The following GPC5 variants were observed in gnomAD, a reference collection of about 807,000 sequenced individuals.
GPC5 encodes glypican-5.
GPC5 carries 47 observed loss-of-function variants against 53.9 expected under a neutral mutation model. That is an observed-to-expected ratio of 0.87 (90% CI 0.69 to 1.11). The LOEUF (loss-of-function observed/expected upper bound fraction) is 1.11, where lower values mean the gene tolerates loss of function less well. GPC5 is among the 50% of genes most tolerant of loss of function. The pLI, the probability that GPC5 is intolerant of heterozygous loss-of-function variation, is 0.00. For missense variants in GPC5, 748 were observed against 713.1 expected, an observed-to-expected ratio of 1.05 and a Z score of -0.56; for synonymous variants, 286 against 263.3, an observed-to-expected ratio of 1.09 and a Z score of -0.84.
At chr13:91,933,277 T>A (rs895687137) in intron 6 of GPC5, among the ~76,000 whole-genome samples, 7 of 152,016 alleles carry the variant, frequency 4.6e-5, no homozygotes, top group African/African-American at 7.2e-5. Context: ...TCCATGTCTT[T>A]ATTCCTACTG....
intron 7 of GPC5, chr13:92,446,735 T>C (rs1877844007): frequency 6.6e-6 from 1 of 152,204 alleles, no homozygotes; most frequent in South Asian, 2.1e-4. Context: ...GGTACTAATA[T>C]ACATTCCCAC....
chr13:92,213,674 T>C (rs577155532), intron 7 of GPC5, among the ~76,000 whole-genome samples: 1 of 152,318 alleles, frequency 6.6e-6, no homozygotes, highest in South Asian at 2.1e-4. Flanking sequence ...AAAAATGTTG[T>C]GTTGGTTCTC....
intron 7 of GPC5, among the ~76,000 whole-genome samples, chr13:92,530,677 A>G (rs1881532099): frequency 6.6e-6 from 1 of 152,054 alleles, no homozygotes; most frequent in Admixed American, 6.6e-5. Flanking sequence ...TTTAAGTAAA[A>G]TATTTGGGTT....
At chr13:92,768,176 A>G (rs1054346182) in intron 7 of GPC5, among the ~76,000 whole-genome samples, 3 of 152,212 alleles carry the variant, frequency 2.0e-5, no homozygotes, top group African/African-American at 7.2e-5. Flanking sequence ...CATACGTAGA[A>G]TTTCAAGAAC....
chr13:91,560,726 C>T (rs554732519), intron 2 of GPC5, among the ~76,000 whole-genome samples: 1 of 151,856 alleles, frequency 6.6e-6, no homozygotes, highest in African/African-American at 2.4e-5. Flanking sequence ...CTCCCAGCAG[C>T]CAACCCTATC....
chr13:91,839,883 G>A (rs1318047200), intron 5 of GPC5, among the ~76,000 whole-genome samples: 1 of 151,898 alleles, frequency 6.6e-6, no homozygotes, highest in Non-Finnish European at 1.5e-5. Context: ...ACAATTCCAT[G>A]GCAATGCTGT....
At chr13:91,438,590 T>G (rs1429938965) in intron 1 of GPC5, among the ~76,000 whole-genome samples, 1 of 152,182 alleles carries the variant, frequency 6.6e-6, no homozygotes, top group Non-Finnish European at 1.5e-5. Flanking sequence ...TGCCTCCCAG[T>G]TAGGCTACTC....
At position 92,862,296 on chromosome 13, in the gene GPC5, A is replaced by G. The variant is rs76418535; in HGVS notation, c.1562-3986A>G. Among the ~76,000 whole-genome samples the G allele has an allele frequency of 1.5e-3, 232 of 152,274 alleles. 5 individuals carry two copies. The East Asian group carries it at 0.043, about 28-fold the overall frequency. On this transcript the variant is annotated intron_variant, in intron 7 of 7. Coordinates refer to ENST00000377067, the MANE Select transcript of GPC5 (RefSeq NM_004466.6). ...TCTTGTGTAAATGAGTCATTATTCA[A>G]TTTATTCATTCAACAATATTAATTA... is the stretch of plus-strand genomic sequence containing the variant.
intron 7 of GPC5, among the ~76,000 whole-genome samples, chr13:92,630,205 G>A (rs991902917): frequency 3.4e-4 from 51 of 152,100 alleles, no homozygotes; most frequent in Non-Finnish European, 2.4e-4. Flanking sequence ...ACTGTTCTAC[G>A]TAATCGTGAA....
Position 91,577,773 on chromosome 13 carries a change from C to T in GPC5, c.326-115414C>T, listed in dbSNP as rs374266831. Among the ~76,000 whole-genome samples, 6 of 152,228 alleles carry T rather than the reference C, an allele frequency of 3.9e-5. No homozygotes were observed. The East Asian group carries it at 9.7e-4, about 24-fold the overall frequency. The stretch of plus-strand genomic sequence containing the variant: ...GTTGGAAATACAGCTCTAAAATGGG[C>T]ATTCCTTGTCTTTTTCATAGTCTCC... On this transcript the variant is annotated intron_variant, in intron 2 of 7. Coordinates refer to ENST00000377067, the MANE Select transcript of GPC5 (RefSeq NM_004466.6).
chr13:91,730,579 C>T (rs2140018317), intron 4 of GPC5, among the ~76,000 whole-genome samples: 1 of 152,252 alleles, frequency 6.6e-6, no homozygotes, highest in Admixed American at 6.5e-5. Context: ...AATTGCAAAG[C>T]AACTAACCAA....
Position 92,376,154 on chromosome 13 carries a change from T to G in GPC5, c.1561+231165T>G, listed in dbSNP as rs543972977. Among the ~76,000 whole-genome samples the G allele has an allele frequency of 5.3e-5, 8 of 152,336 alleles. No individual in the cohort carries two copies. The South Asian group carries it at 1.7e-3, about 32-fold the overall frequency. ...TGTCTATGGAGTACTAGAGTTGAGC[T>G]GAATGAAGGACACAGCCATATAATT... is the stretch of plus-strand genomic sequence containing the variant. On this transcript the variant is annotated intron_variant, in intron 7 of 7. Coordinates refer to ENST00000377067, the MANE Select transcript of GPC5 (RefSeq NM_004466.6).
chr13:92,361,356 C>T (rs2043565351), intron 7 of GPC5, among the ~76,000 whole-genome samples: 2 of 151,508 alleles, frequency 1.3e-5, no homozygotes, highest in African/African-American at 4.9e-5. Context: ...CTTACCTGGA[C>T]CCGGTCATTT....
chr13:91,747,250 A>G (rs1162902700), intron 4 of GPC5, among the ~76,000 whole-genome samples: 1 of 152,224 alleles, frequency 6.6e-6, no homozygotes, highest in Non-Finnish European at 1.5e-5. Context: ...TTGTCAACAG[A>G]TTCAGAAACA....
At chr13:92,381,498 CAGT>C (rs1454294878) in intron 7 of GPC5, among the ~76,000 whole-genome samples, 4 of 152,108 alleles carry the variant, frequency 2.6e-5, no homozygotes, top group African/African-American at 9.7e-5. Flanking sequence ...AATCAAAAAA[CAGT>C]AGTTGTTGGT....
intron 7 of GPC5, among the ~76,000 whole-genome samples, chr13:92,533,599 T>A (rs1881631211): frequency 6.6e-6 from 1 of 152,164 alleles, no homozygotes; most frequent in African/African-American, 2.4e-5. Flanking sequence ...GCCCCATGTC[T>A]TGGTTTAACA....
At chr13:91,734,174 AG>A (rs1190213937) in intron 4 of GPC5, among the ~76,000 whole-genome samples, 1 of 151,298 alleles carries the variant, frequency 6.6e-6, no homozygotes, top group Non-Finnish European at 1.5e-5. Flanking sequence ...CCAGGGATGA[AG>A]GTGACTTAAT....
chr13:91,959,604 A>T (rs1240290249), intron 6 of GPC5, among the ~76,000 whole-genome samples: 3 of 152,056 alleles, frequency 2.0e-5, no homozygotes, highest in African/African-American at 7.2e-5. Context: ...GAAAAACTAC[A>T]GGCCAATATC....
intron 7 of GPC5, among the ~76,000 whole-genome samples, chr13:92,455,363 TG>T: frequency 6.6e-6 from 1 of 152,192 alleles, no homozygotes; most frequent in Admixed American, 6.5e-5. Flanking sequence ...AGAAATACAT[TG>T]TATATATTTT....
Sources: gnomAD v4.1 joint callset for allele counts (sites outside exome capture counted in the v4.1 genomes callset) on GRCh38, gnomAD v4.1.1 for gene constraint, MANE v1.5 for transcripts, NCBI Gene and HGNC (gene_info 2026-07-23, HGNC 2026-07-21) for gene names.